The following SDK1 variants were observed in gnomAD, a reference collection of about 807,000 sequenced individuals.
SDK1 encodes the protein sidekick cell adhesion molecule 1, also known as protein sidekick-1.
Under a neutral mutation model 245.5 loss-of-function variants are expected in SDK1, and 157 were observed. That is an observed-to-expected ratio of 0.64 (90% CI 0.56 to 0.73). SDK1 has a LOEUF of 0.73. Among genes scored for constraint, SDK1 ranks in the 30% least tolerant of loss-of-function variants. The pLI is 0.00. For synonymous variants in SDK1, 1,647 were observed against 1,278.5 expected (o/e 1.29, Z -6.15); for missense variants, 3,583 against 3,002.3 (o/e 1.19, Z -4.52).
intron 5 of SDK1, among the ~76,000 whole-genome samples, chr7:3,864,247 G>T (rs563090907): frequency 2.0e-5 from 3 of 152,018 alleles, no homozygotes; most frequent in Non-Finnish European, 4.4e-5. Flanking sequence ...TGTCAATTTG[G>T]GCAGGGATCA....
intron 1 of SDK1, among the ~76,000 whole-genome samples, chr7:3,376,129 T>G (rs546252029): frequency 6.6e-6 from 1 of 152,220 alleles, no homozygotes; most frequent in South Asian, 2.1e-4. Context: ...CCCAGGAGTT[T>G]GAGGCTGCAG....
intron 1 of SDK1, among the ~76,000 whole-genome samples, chr7:3,482,606 C>T (rs886646230): frequency 1.3e-5 from 2 of 152,202 alleles, no homozygotes; most frequent in African/African-American, 2.4e-5. Context: ...ACCAGAGGGC[C>T]TCCCACAGGT....
chr7:3,869,276 C>G (rs1181955451), intron 5 of SDK1, among the ~76,000 whole-genome samples: 1 of 151,798 alleles, frequency 6.6e-6, no homozygotes, highest in African/African-American at 2.4e-5. Context: ...CTGCCTCAGC[C>G]TTCCGGGTAG....
At chr7:3,995,819 ATTT>A (rs10605028) in intron 14 of SDK1, among the ~76,000 whole-genome samples, 27 of 144,686 alleles carry the variant, frequency 1.9e-4, no homozygotes, top group African/African-American at 6.2e-4. Context: ...GGCCTTAGGG[ATTT>A]TTTTTTTTTC....
In SDK1 at chr7:4,132,352, T is replaced by C. The variant is rs1784887513; in HGVS notation, c.4157T>C (p.Phe1386Ser). The change falls in exon 28 of 45, where the codon TTC (phenylalanine) becomes TCC (serine). Residue 1386 changes from phenylalanine (F) to serine (S), a missense_variant. Transcript: ENST00000404826. ...CCAGGCCCACCAGTGAGGCTCGTGTTCCCCGAAGTGAGACTCACCTCCGTG... is the reference window on the plus strand; with the variant it reads ...CCAGGCCCACCAGTGAGGCTCGTGTCCCCCGAAGTGAGACTCACCTCCGTG... ...DAPGPPVRLV[F>S]PEVRLTSVRI... The C allele has an allele frequency of 6.2e-7, 1 of 1,612,466 alleles. No homozygotes were observed. Among genetic ancestry groups the C allele is most frequent in the African/African-American group, 1.3e-5 (1 of 74,892 alleles).
chr7:4,140,074 C>G (rs1191391822), intron 28 of SDK1, among the ~76,000 whole-genome samples: 5 of 152,162 alleles, frequency 3.3e-5, no homozygotes, highest in Admixed American at 3.3e-4. Flanking sequence ...CCTTGTCCCC[C>G]TGTCACCACC....
At chr7:3,458,806 A>C (rs1780748303) in intron 1 of SDK1, among the ~76,000 whole-genome samples, 1 of 152,162 alleles carries the variant, frequency 6.6e-6, no homozygotes, top group Non-Finnish European at 1.5e-5. Context: ...CAGGAAATAC[A>C]GATTACGTTT....
chr7:3,854,362 T>C (rs1780489740), intron 5 of SDK1, among the ~76,000 whole-genome samples: 1 of 152,082 alleles, frequency 6.6e-6, no homozygotes, highest in South Asian at 2.1e-4. Flanking sequence ...CCTTATAGAG[T>C]ATGTGTGCAG....
chr7:3,729,114 G>A (rs537066208), intron 4 of SDK1, among the ~76,000 whole-genome samples: 40 of 152,264 alleles, frequency 2.6e-4, no homozygotes, highest in African/African-American at 8.2e-4. Flanking sequence ...CCTGGAGGAT[G>A]TTTATATTTA....
Position 3,967,417 on chromosome 7 carries a change from C to G in SDK1, c.1529C>G (p.Ala510Gly). ...RCEVSGAPKP[A>G]ITWKRENHIL... ...GAGGTGTCCGGGGCTCCCAAACCCG[C>G]CATCACCTGGAAAAGAGGTGGGTAG... Residue 510 changes from alanine to glycine, a missense_variant, in exon 10 of 45, where the codon GCC becomes GGC. Ala to Gly is a moderately conservative substitution (Grantham distance 60, BLOSUM62 0). Transcript: ENST00000404826. 1 of 1,612,900 alleles carries G rather than the reference C, an allele frequency of 6.2e-7. No homozygotes were observed. Among genetic ancestry groups the G allele is most frequent in the Non-Finnish European group, 8.5e-7 (1 of 1,178,888 alleles).
At position 4,053,515 on chromosome 7, in the gene SDK1, T is replaced by A. The variant is rs558201372; in HGVS notation, c.2911+1685T>A. ...CTCCTCCCACAAATATGTTCAGGTCTCCCTCACTCAAAATCGGCAGCTCCC... is the reference window on the plus strand; with the variant it reads ...CTCCTCCCACAAATATGTTCAGGTCACCCTCACTCAAAATCGGCAGCTCCC... On this transcript the variant is annotated intron_variant, in intron 19 of 44. Coordinates refer to ENST00000404826, the MANE Select transcript of SDK1 (RefSeq NM_152744.4). Among the ~76,000 whole-genome samples the A allele has an allele frequency of 5.3e-4, 81 of 152,242 alleles. 3 individuals are homozygous for A. The South Asian group carries it at 0.017, about 32-fold the overall frequency.
At chr7:3,615,395 T>C (rs1031685416) in intron 1 of SDK1, among the ~76,000 whole-genome samples, 6 of 151,684 alleles carry the variant, frequency 4.0e-5, no homozygotes, top group Non-Finnish European at 5.9e-5. Flanking sequence ...GCAGTTGATA[T>C]ACAGCTTAAC....
At chr7:4,077,262 G>T in intron 21 of SDK1, 73 bp downstream of exon 21, 1 of 1,439,438 alleles carries the variant, frequency 6.9e-7, no homozygotes, top group South Asian at 1.3e-5. Flanking sequence ...AAGTTGATTG[G>T]CACTTTGGTG....
intron 13 of SDK1, among the ~76,000 whole-genome samples, chr7:3,983,556 A>G (rs1752805888): frequency 6.6e-6 from 1 of 152,244 alleles, no homozygotes; most frequent in African/African-American, 2.4e-5. Context: ...ACTGCAGTAG[A>G]GTATAAACAG....
In SDK1 at chr7:4,127,469, C is replaced by G; in HGVS notation, c.3912C>G (p.Asp1304Glu). 1 of 1,613,910 alleles carries G rather than the reference C, an allele frequency of 6.2e-7. No individual in the cohort carries two copies. The highest frequency in any genetic ancestry group is 8.5e-7 in the Non-Finnish European group (1 of 1,179,798). ...CATGGACATCCGTGCCGGAACAGGA[C>G]CAGAATGGGCTCATACTGGGCTACA... ...LLTWTSVPEQ[D>E]QNGLILGYKI... Residue 1304 changes from aspartate (D) to glutamate (E), a missense_variant, in exon 26 of 45, where the codon GAC (aspartate) becomes GAG (glutamate). By Grantham distance (45) the Asp-to-Glu change is conservative. Coordinates refer to ENST00000404826, the MANE Select transcript of SDK1 (RefSeq NM_152744.4).
intron 1 of SDK1, among the ~76,000 whole-genome samples, chr7:3,362,897 C>T (rs1435500239): frequency 6.6e-6 from 1 of 152,088 alleles, no homozygotes; most frequent in Admixed American, 6.5e-5. Flanking sequence ...GTAGTTCAGT[C>T]ACTTAAAAAT....
chr7:4,051,979 G>C, intron 19 of SDK1, 149 bp downstream of exon 19: 1 of 656,270 alleles, frequency 1.5e-6, no homozygotes, highest in South Asian at 2.1e-5. Flanking sequence ...AGGGAGATCA[G>C]GCATCAGTAC....
intron 4 of SDK1, among the ~76,000 whole-genome samples, chr7:3,689,916 T>C (rs1372737779): frequency 6.6e-6 from 1 of 152,256 alleles, no homozygotes; most frequent in African/African-American, 2.4e-5. Context: ...GTGTGTCTAT[T>C]GCAAACAAAA....
At chr7:3,374,862 TC>T (rs1173004200) in intron 1 of SDK1, among the ~76,000 whole-genome samples, 1 of 152,226 alleles carries the variant, frequency 6.6e-6, no homozygotes, top group Non-Finnish European at 1.5e-5. Flanking sequence ...ATGCTTTTTT[TC>T]CCACAGCACT....
Sources: gnomAD v4.1 joint callset for allele counts (sites outside exome capture counted in the v4.1 genomes callset) on GRCh38, gnomAD v4.1.1 for gene constraint, MANE v1.5 for transcripts, NCBI Gene and HGNC (gene_info 2026-07-23, HGNC 2026-07-21) for gene names.